Variants in KDM4C observed in about 807,000 individuals in gnomAD.
KDM4C encodes lysine demethylase 4C.
Under a neutral mutation model 129.3 loss-of-function variants are expected in KDM4C, and 81 were observed. The ratio of observed to expected loss-of-function variants is 0.63; its 90% CI spans 0.52 to 0.75. The LOEUF is 0.75. KDM4C is among the 30% of genes least tolerant of loss of function. The probability of loss-of-function intolerance (pLI) is 0.00; values close to 1 mark genes in which losing one functional copy is unlikely to be tolerated. For missense variants in KDM4C, 1,457 were observed against 1,304.0 expected (o/e 1.12, Z -1.81); for synonymous variants, 573 against 456.1 (o/e 1.26, Z -3.26).
intron 1 of KDM4C, among the ~76,000 whole-genome samples, chr9:6,759,127 C>G (rs192939646): frequency 3.0e-4 from 46 of 152,116 alleles, no homozygotes; most frequent in Non-Finnish European, 3.8e-4. Flanking sequence ...TAAACTAACC[C>G]CGAGAGGTGA....
intron 8 of KDM4C, among the ~76,000 whole-genome samples, chr9:6,977,505 T>A (rs1448340186): frequency 6.6e-6 from 1 of 152,188 alleles, no homozygotes; most frequent in Non-Finnish European, 1.5e-5. Context: ...GCTCTTATGT[T>A]AAAAGGAGGC....
At chr9:6,992,692 A>G (rs867191972) in intron 12 of KDM4C, among the ~76,000 whole-genome samples, 22 of 152,350 alleles carry the variant, frequency 1.4e-4, no homozygotes, top group Middle Eastern at 3.4e-3. Flanking sequence ...TGTGATGTGC[A>G]GTGAGTGTTT....
rs576495780 is a variant in KDM4C at position 7,072,124 on chromosome 9, A to G, written c.2424+22924A>G. Reference sequence around the variant, plus strand: ...TGATATGTCACTACATATCAATGGAATAGTCAGTGTTAAGATAACTGACAG... The same window carrying G: ...TGATATGTCACTACATATCAATGGAGTAGTCAGTGTTAAGATAACTGACAG... On this transcript the variant is annotated intron_variant, in intron 17 of 21. Transcript: ENST00000381309. 5.3e-5 allele frequency among the ~76,000 whole-genome samples: 8 copies of G among 152,348 alleles called. No homozygotes were observed. In the East Asian group the frequency reaches 1.3e-3, roughly 26 times the overall value.
chr9:7,017,564 T>A (rs1290552607), intron 15 of KDM4C, among the ~76,000 whole-genome samples: 1 of 152,220 alleles, frequency 6.6e-6, no homozygotes, highest in Non-Finnish European at 1.5e-5. Context: ...GTCAACTTTG[T>A]TGCCATTTGA....
At chr9:6,994,285 C>A (rs1311671565) in intron 12 of KDM4C, among the ~76,000 whole-genome samples, 3 of 152,018 alleles carry the variant, frequency 2.0e-5, no homozygotes, top group Middle Eastern at 6.3e-3. Context: ...GAGTTGGGGA[C>A]CCCTGATTTA....
At chr9:6,922,314 T>C (rs1297833425) in intron 8 of KDM4C, among the ~76,000 whole-genome samples, 1 of 152,268 alleles carries the variant, frequency 6.6e-6, no homozygotes, top group Non-Finnish European at 1.5e-5. Context: ...GGCATGTGCA[T>C]AGTACTATCA....
chr9:7,028,445 G>A (rs1826162108), intron 15 of KDM4C, among the ~76,000 whole-genome samples: 1 of 151,746 alleles, frequency 6.6e-6, no homozygotes, highest in African/African-American at 2.4e-5. Context: ...TACAGTGGGT[G>A]AGCTGGTATC....
chr9:7,030,991 G>T (rs1467201532), intron 15 of KDM4C, among the ~76,000 whole-genome samples: 1 of 151,898 alleles, frequency 6.6e-6, no homozygotes, highest in African/African-American at 2.4e-5. Flanking sequence ...CATAAAGAAA[G>T]TTGTATTTAT....
chr9:6,902,155 T>C (rs539301060), intron 8 of KDM4C, among the ~76,000 whole-genome samples: 1 of 152,310 alleles, frequency 6.6e-6, no homozygotes, highest in African/African-American at 2.4e-5. Context: ...TTAATATCTA[T>C]TTATAAATTG....
At chr9:7,050,530 C>G (rs769123125) in intron 17 of KDM4C, among the ~76,000 whole-genome samples, 14 of 148,990 alleles carry the variant, frequency 9.4e-5, no homozygotes, top group African/African-American at 1.5e-4. Flanking sequence ...AGTTGAACTA[C>G]CACATGTTAA....
chr9:6,853,856 T>C (rs939336540), intron 5 of KDM4C, among the ~76,000 whole-genome samples: 24 of 152,204 alleles, frequency 1.6e-4, no homozygotes, highest in African/African-American at 5.3e-4. Flanking sequence ...GGCAAATCAC[T>C]ACACTCCTTT....
chr9:6,853,154 C>T (rs1472758227), intron 5 of KDM4C, among the ~76,000 whole-genome samples: 1 of 151,954 alleles, frequency 6.6e-6, no homozygotes, highest in Non-Finnish European at 1.5e-5. Context: ...ATTTTAGATC[C>T]ATCTCTTTAA....
intron 8 of KDM4C, among the ~76,000 whole-genome samples, chr9:6,928,601 T>C (rs1453081597): frequency 6.7e-6 from 1 of 149,102 alleles, no homozygotes; most frequent in African/African-American, 2.5e-5. Flanking sequence ...TATGTCCTCT[T>C]TTTTTTTTTT....
At chr9:6,839,128 T>C (rs1281854345) in intron 4 of KDM4C, among the ~76,000 whole-genome samples, 1 of 152,210 alleles carries the variant, frequency 6.6e-6, no homozygotes, top group East Asian at 1.9e-4. Flanking sequence ...TAGTGGAGTT[T>C]GGTGGATGGT....
At chr9:7,114,763 AG>A (rs1164841745) in intron 18 of KDM4C, among the ~76,000 whole-genome samples, 1 of 152,130 alleles carries the variant, frequency 6.6e-6, no homozygotes, top group Non-Finnish European at 1.5e-5. Flanking sequence ...GGAACCAGGG[AG>A]CCCCTTAGCA....
rs1263903124 is a variant in KDM4C at position 7,111,231 on chromosome 9, AG to A, written c.2610+7363del. ...TAATCTTCAGTGTCCCATTCATGGT[AG>A]GTATAGGTTGAGCATCCAAATCCAA... On this transcript the variant is annotated intron_variant, in intron 18 of 21. Coordinates refer to ENST00000381309, the MANE Select transcript of KDM4C (RefSeq NM_015061.6). Among the ~76,000 whole-genome samples, 382 of 152,228 alleles carry A rather than the reference AG, an allele frequency of 2.5e-3. 3 individuals are homozygous for A. The highest frequency in any genetic ancestry group is 8.8e-3 in the African/African-American group (364 of 41,518).
intron 8 of KDM4C, among the ~76,000 whole-genome samples, chr9:6,939,910 A>G (rs1825538284): frequency 6.6e-6 from 1 of 152,020 alleles, no homozygotes. Context: ...GTGGGTAGAA[A>G]CCACTTTTTA....
intron 8 of KDM4C, among the ~76,000 whole-genome samples, chr9:6,922,668 G>A (rs1455548805): frequency 1.3e-5 from 2 of 152,234 alleles, no homozygotes; most frequent in Non-Finnish European, 1.5e-5. Context: ...AATCACCTGA[G>A]CCTGGGAGAT....
chr9:7,013,835 A>G lies in KDM4C; in HGVS notation c.2016A>G (p.Leu672=). Residue 672 remains leucine (L), a synonymous_variant, in exon 14 of 22, where the codon TTA becomes TTG. Coordinates refer to ENST00000381309, the MANE Select transcript of KDM4C (RefSeq NM_015061.6). ...EENDARWETK[L]DEVVTSEGKT... Reference sequence around the variant, plus strand: ...ATGATGCTAGATGGGAGACAAAATTAGATGAAGTCGTTACATCGGAGGGAA... The same window carrying G: ...ATGATGCTAGATGGGAGACAAAATTGGATGAAGTCGTTACATCGGAGGGAA... 6.2e-7 allele frequency: 1 copy of G among 1,614,058 alleles called. No homozygotes were observed. The highest frequency in any genetic ancestry group is 8.5e-7 in the Non-Finnish European group (1 of 1,179,914).
Sources: gnomAD v4.1 joint callset for allele counts (sites outside exome capture counted in the v4.1 genomes callset) on GRCh38, gnomAD v4.1.1 for gene constraint, MANE v1.5 for transcripts, NCBI Gene and HGNC (gene_info 2026-07-23, HGNC 2026-07-21) for gene names.